The following CHAF1A variants were observed in gnomAD, a reference collection of about 807,000 sequenced individuals.
CHAF1A encodes chromatin assembly factor 1 subunit A, also known as CAF-1 subunit A.
In CHAF1A, 5 loss-of-function variants were observed where a neutral mutation model predicts 93.2. The observed-to-expected ratio is 0.05, with a 90% confidence interval of 0.03 to 0.11. The LOEUF is 0.11. CHAF1A is among the 10% of genes least tolerant of loss of function. The pLI, the probability that CHAF1A is intolerant of heterozygous loss-of-function variation, is 1.00. For missense variants in CHAF1A, 1,102 were observed against 1,259.9 expected (o/e 0.87, Z 1.90); for synonymous variants, 504 against 510.3 (o/e 0.99, Z 0.17).
At chr19:4,448,578 G>A (rs564672174), downstream of CHAF1A, 211 of 644,350 alleles carry the variant, frequency 3.3e-4, no homozygotes, top group Admixed American at 1.5e-3. Flanking sequence ...CTCCAAGACC[G>A]CAGCCCTGCC....
intron 13 of CHAF1A, among the ~76,000 whole-genome samples, chr19:4,440,948 G>A (rs1366812220): frequency 2.0e-5 from 3 of 148,442 alleles, no homozygotes; most frequent in East Asian, 2.0e-4. Flanking sequence ...CGAAACCCCC[G>A]TCTGTACTAA....
At position 4,428,749 on chromosome 19, in the gene CHAF1A, A is replaced by T; in HGVS notation, c.1463A>T (p.His488Leu). ...VLAPRRRTAF[H>L]PDLCSQLDQL... ...GCCCCTCGGCGTCGGACCGCTTTCCATCCAGACCTCTGCAGTCAGCTGGAC... is the reference window on the plus strand; with the variant it reads ...GCCCCTCGGCGTCGGACCGCTTTCCTTCCAGACCTCTGCAGTCAGCTGGAC... The change falls in exon 8 of 15, where the codon CAT becomes CTT. Residue 488 changes from histidine to leucine, a missense_variant. Transcript: ENST00000301280. The T allele has an allele frequency of 6.2e-7, 1 of 1,614,166 alleles. No individual in the cohort carries two copies. The highest frequency in any genetic ancestry group is 8.5e-7 in the Non-Finnish European group (1 of 1,180,034).
At chr19:4,416,242 T>G (rs1032929251) in intron 3 of CHAF1A, among the ~76,000 whole-genome samples, 2 of 152,238 alleles carry the variant, frequency 1.3e-5, no homozygotes, top group African/African-American at 4.8e-5. Flanking sequence ...AATGGGCCTT[T>G]GGTTTTTCAG....
At chr19:4,445,754 G>C (rs1023111336), downstream of CHAF1A, 8 of 1,431,472 alleles carry the variant, frequency 5.6e-6, no homozygotes, top group African/African-American at 5.7e-5. Context: ...GCTGTGGCTC[G>C]CACCCAGGCC....
At chr19:4,404,503 C>G (rs1288383650) in intron 1 of CHAF1A, among the ~76,000 whole-genome samples, 1 of 152,114 alleles carries the variant, frequency 6.6e-6, no homozygotes, top group Non-Finnish European at 1.5e-5. Flanking sequence ...TAAGTGGACA[C>G]TTGAGAATGA....
chr19:4,418,405 G>T (rs915091897), intron 4 of CHAF1A, among the ~76,000 whole-genome samples: 114 of 117,376 alleles, frequency 9.7e-4, no homozygotes, highest in Non-Finnish European at 1.5e-3. Context: ...TTGTAGTCCT[G>T]TCTCTTTTTT....
downstream of CHAF1A, chr19:4,446,173 A>G (rs780697668): frequency 6.2e-7 from 1 of 1,609,018 alleles, no homozygotes; most frequent in Non-Finnish European, 8.5e-7. Flanking sequence ...CACCGCCCCC[A>G]GCCGCTCCCG....
Position 4,409,775 on chromosome 19 carries a change from G to A in CHAF1A, c.960+16G>A. 1 of 1,592,534 alleles carries A rather than the reference G, an allele frequency of 6.3e-7. No homozygotes were observed. The highest frequency in any genetic ancestry group is 8.6e-7 in the Non-Finnish European group (1 of 1,166,132). ...CCTCCGCAGAGTGAGTATCTCCCAT[G>A]GAGTCCCTGCACATCAGTGCTCACG... On this transcript the variant is annotated intron_variant, in intron 3 of 14. Transcript: ENST00000301280.
intron 11 of CHAF1A, 87 bp downstream of exon 11, chr19:4,430,728 G>T (rs1974167038): frequency 7.1e-7 from 1 of 1,405,794 alleles, no homozygotes; most frequent in African/African-American, 1.4e-5. Context: ...AGGGTGACGG[G>T]GGTCCCAGCC....
chr19:4,433,093 C>G lies in CHAF1A; in HGVS notation c.2227C>G (p.Leu743Val). 8 of 1,593,014 alleles carry G rather than the reference C, an allele frequency of 5.0e-6. No individual in the cohort carries two copies. The highest frequency in any genetic ancestry group is 6.9e-6 in the Non-Finnish European group (8 of 1,165,166). Residue 743 changes from leucine to valine, a missense_variant, in exon 13 of 15, where the codon CTG becomes GTG. Leu to Val is a conservative substitution (Grantham distance 32). Transcript: ENST00000301280. The surrounding 1 kb of genome is among the most constrained non-coding windows in gnomAD (Gnocchi z 5.6). ...EQILAQLLPL[L>V]HGNVNGSKVI... ...AGTCCTGGCCCAGCTGCTGCCGCTC[C>G]TGCACGGCAATGTGAACGGGAGCAA...
At chr19:4,430,457 T>G in intron 10 of CHAF1A, 92 bp from the exon 11 acceptor site, 1 of 804,262 alleles carries the variant, frequency 1.2e-6, no homozygotes, top group Non-Finnish European at 2.1e-6. Context: ...GGATTAGAGG[T>G]GTGAGCCACT....
intron 12 of CHAF1A, among the ~76,000 whole-genome samples, chr19:4,432,421 G>A (rs1280044247): frequency 2.0e-5 from 3 of 152,142 alleles, no homozygotes; most frequent in Non-Finnish European, 4.4e-5. Flanking sequence ...TTATCAACCA[G>A]GACACAGGCA....
intron 3 of CHAF1A, among the ~76,000 whole-genome samples, chr19:4,410,734 C>G (rs1201945910): frequency 6.6e-6 from 1 of 152,138 alleles, no homozygotes; most frequent in Non-Finnish European, 1.5e-5. Context: ...GCCTGTAGTC[C>G]CAGCCACCTG....
intron 3 of CHAF1A, among the ~76,000 whole-genome samples, chr19:4,410,221 T>C (rs916919106): frequency 6.6e-6 from 1 of 151,790 alleles, no homozygotes; most frequent in East Asian, 1.9e-4. Flanking sequence ...GGGAATTCTG[T>C]AGGGTCAGCA....
downstream of CHAF1A, chr19:4,445,371 C>T (rs1974484243): frequency 4.1e-6 from 6 of 1,475,494 alleles, no homozygotes; most frequent in Non-Finnish European, 3.7e-6. Context: ...CGGCTGGCGC[C>T]CCTCCCGTGC....
downstream of CHAF1A, chr19:4,446,821 G>A (rs764519921): frequency 4.4e-5 from 71 of 1,614,002 alleles, 1 homozygote; most frequent in South Asian, 7.5e-4. Flanking sequence ...ACTCAGCCAG[G>A]CCCTGTCCAC....
chr19:4,403,632 T>A (rs1423674346), intron 1 of CHAF1A, among the ~76,000 whole-genome samples: 12 of 152,262 alleles, frequency 7.9e-5, no homozygotes, highest in Admixed American at 7.9e-4. Flanking sequence ...TTAAGCATCA[T>A]CCCTGGCCTC....
Position 4,433,594 on chromosome 19 carries a change from T to C in CHAF1A, c.2673+55T>C. On this transcript the variant is annotated intron_variant, in intron 13 of 14. Transcript: ENST00000301280. This position sits in a 1 kb window ranked among gnomAD's most constrained non-coding sequence, Gnocchi z 5.6. Reference sequence around the variant, plus strand: ...TGCAGGGCTTTTCTTTTTTTGTTTGTTTTTTGTTGTTTTGTTTTTTTTTCG... The same window carrying C: ...TGCAGGGCTTTTCTTTTTTTGTTTGCTTTTTGTTGTTTTGTTTTTTTTTCG... 7.2e-7 allele frequency: 1 copy of C among 1,394,372 alleles called. No individual in the cohort carries two copies. Among genetic ancestry groups the C allele is most frequent in the Admixed American group, 2.5e-5 (1 of 40,548 alleles). 86.4% of individuals were successfully genotyped at this position (1,394,372 alleles called of 1,614,324 possible).
rs180690182 is a variant in CHAF1A at position 4,421,901 on chromosome 19, G to A, written c.1018-665G>A. 3.3e-3 allele frequency among the ~76,000 whole-genome samples: 495 copies of A among 152,084 alleles called. 5 individuals are homozygous for A. Among genetic ancestry groups the A allele is most frequent in the African/African-American group, 0.012 (479 of 41,464 alleles). On this transcript the variant is annotated intron_variant, in intron 4 of 14. Coordinates refer to ENST00000301280, the MANE Select transcript of CHAF1A (RefSeq NM_005483.3). ...TCAGTTGCCCAGGCTGGAGTGCAGT[G>A]GTGTGACCTCAGCTCACTGCACCCT...
Sources: allele counts gnomAD v4.1 joint callset (sites outside exome capture counted in the v4.1 genomes callset), GRCh38; gene constraint gnomAD v4.1.1; non-coding constraint Gnocchi (gnomAD v3.1); transcripts MANE v1.5; gene names NCBI Gene and HGNC (gene_info 2026-07-23, HGNC 2026-07-21).